The following FHIT variants were observed in gnomAD, a reference collection of about 807,000 sequenced individuals.
FHIT encodes bis(5'-adenosyl)-triphosphatase.
A neutral mutation model predicts 17.9 loss-of-function variants in FHIT; 19 were observed. That is an observed-to-expected ratio of 1.06 (90% CI 0.74 to 1.56). The LOEUF (loss-of-function observed/expected upper bound fraction) is 1.56, where lower values mean the gene tolerates loss of function less well. Ranked by LOEUF, FHIT falls within the 40% of genes most tolerant of loss-of-function variation. The pLI, the probability that FHIT is intolerant of heterozygous loss-of-function variation, is 0.00. For synonymous variants in FHIT, 81 were observed against 69.7 expected (o/e 1.16, Z -0.81); for missense variants, 248 against 189.2 (o/e 1.31, Z -1.82).
chr3:60,622,498 A>G (rs1309400278), intron 4 of FHIT, among the ~76,000 whole-genome samples: 6 of 152,194 alleles, frequency 3.9e-5, no homozygotes, highest in African/African-American at 1.4e-4. Flanking sequence ...TGCTGATGTG[A>G]ATTGTATCCA....
At chr3:60,637,493 C>T (rs558870603) in intron 4 of FHIT, among the ~76,000 whole-genome samples, 101 of 152,206 alleles carry the variant, frequency 6.6e-4, no homozygotes, top group African/African-American at 2.2e-3. Context: ...CCAGTGCTTA[C>T]ATTAGATACA....
At chr3:60,537,073 C>T (rs1159074668) in intron 4 of FHIT, 94 bp from the exon 5 acceptor site, 1 of 998,340 alleles carries the variant, frequency 1.0e-6, no homozygotes, top group East Asian at 2.8e-5. Flanking sequence ...ACTACAGATT[C>T]TTAGTTGCAG....
chr3:59,844,672 G>C (rs745658905), intron 8 of FHIT, among the ~76,000 whole-genome samples: 1 of 152,060 alleles, frequency 6.6e-6, no homozygotes, highest in Non-Finnish European at 1.5e-5. Context: ...AATAAATCTC[G>C]CTTGGTCATG....
chr3:60,167,401 T>C (rs1164143981), intron 5 of FHIT, among the ~76,000 whole-genome samples: 1 of 152,232 alleles, frequency 6.6e-6, no homozygotes, highest in East Asian at 1.9e-4. Context: ...TATCCATATA[T>C]ACACATGCAT....
intron 7 of FHIT, among the ~76,000 whole-genome samples, chr3:59,965,395 C>T (rs1278175325): frequency 6.6e-6 from 1 of 152,080 alleles, no homozygotes; most frequent in Non-Finnish European, 1.5e-5. Flanking sequence ...TATCTTCTTG[C>T]TTGCTTTCTA....
chr3:60,414,911 T>C (rs951639751), intron 5 of FHIT, among the ~76,000 whole-genome samples: 3 of 152,220 alleles, frequency 2.0e-5, no homozygotes, highest in Non-Finnish European at 2.9e-5. Flanking sequence ...AAAAGTTAGA[T>C]AGAAAGCTAC....
rs114399550 is a variant in FHIT, at chr3:61,198,957, G to C, written c.-164+1660C>G. On this transcript the variant is annotated intron_variant, in intron 2 of 9. Coordinates refer to ENST00000492590, the MANE Select transcript of FHIT (RefSeq NM_002012.4). The stretch of plus-strand genomic sequence containing the variant: ...GATGATATTAATAAGAGCAGTGGCA[G>C]CTCACATCTACTGAGCACTTATCAT... Among the ~76,000 whole-genome samples the C allele has an allele frequency of 4.6e-3, 705 of 152,158 alleles. 7 individuals carry two copies. Among genetic ancestry groups the C allele is most frequent in the African/African-American group, 0.016 (678 of 41,518 alleles).
At chr3:61,026,066 T>C (rs989931256) in intron 3 of FHIT, among the ~76,000 whole-genome samples, 1 of 152,204 alleles carries the variant, frequency 6.6e-6, no homozygotes, top group African/African-American at 2.4e-5. Context: ...ATCATTTTTA[T>C]CTTTACATCT....
At chr3:61,225,179 A>G (rs2039938603) in intron 1 of FHIT, among the ~76,000 whole-genome samples, 1 of 152,250 alleles carries the variant, frequency 6.6e-6, no homozygotes, top group Admixed American at 6.5e-5. Flanking sequence ...AACAGTCAAA[A>G]TATCTTTTAA....
chr3:60,643,754 TTAAG>T (rs1230647894), intron 4 of FHIT, among the ~76,000 whole-genome samples: 1 of 152,208 alleles, frequency 6.6e-6, no homozygotes, highest in Non-Finnish European at 1.5e-5. Context: ...AGTATCTGCA[TTAAG>T]TAGTTTCCTC....
intron 3 of FHIT, among the ~76,000 whole-genome samples, chr3:61,023,378 T>C (rs1448944430): frequency 6.6e-6 from 1 of 152,182 alleles, no homozygotes; most frequent in Non-Finnish European, 1.5e-5. Context: ...TCCATGCTCA[T>C]GGATAGGAAA....
intron 4 of FHIT, among the ~76,000 whole-genome samples, chr3:60,678,358 G>A (rs1252050444): frequency 6.6e-6 from 1 of 152,022 alleles, no homozygotes; most frequent in Non-Finnish European, 1.5e-5. Flanking sequence ...ACTTTTTTCT[G>A]CTTAAATACA....
intron 3 of FHIT, among the ~76,000 whole-genome samples, chr3:60,839,683 AT>A (rs1358339522): frequency 6.6e-6 from 1 of 152,028 alleles, no homozygotes; most frequent in African/African-American, 2.4e-5. Flanking sequence ...ACTGCAGCTC[AT>A]TTGTTGTCCC....
intron 4 of FHIT, among the ~76,000 whole-genome samples, chr3:60,785,849 A>C (rs959634676): frequency 1.3e-5 from 2 of 151,790 alleles, no homozygotes; most frequent in Admixed American, 6.6e-5. Context: ...CCAGGAGCAA[A>C]CAGCTTCATG....
intron 5 of FHIT, among the ~76,000 whole-genome samples, chr3:60,228,961 T>C (rs1232896049): frequency 6.6e-6 from 1 of 152,190 alleles, no homozygotes; most frequent in East Asian, 1.9e-4. Flanking sequence ...GCTGAGCCAC[T>C]AAGTGGCAGA....
At chr3:60,681,505 T>A (rs936407840) in intron 4 of FHIT, among the ~76,000 whole-genome samples, 3 of 152,122 alleles carry the variant, frequency 2.0e-5, no homozygotes, top group Non-Finnish European at 2.9e-5. Flanking sequence ...AAATTAGAAA[T>A]GATTAAGCTT....
intron 2 of FHIT, among the ~76,000 whole-genome samples, chr3:61,137,671 C>T (rs958974730): frequency 1.3e-5 from 2 of 152,178 alleles, no homozygotes; most frequent in African/African-American, 4.8e-5. Context: ...AAGTAACAGA[C>T]ATCCATTGAA....
intron 3 of FHIT, among the ~76,000 whole-genome samples, chr3:61,013,404 C>T (rs577791986): frequency 3.9e-5 from 6 of 152,278 alleles, no homozygotes; most frequent in East Asian, 1.9e-4. Flanking sequence ...CTCATTACAG[C>T]GTTCTTTCAA....
At chr3:60,589,255 G>A (rs782549357) in intron 4 of FHIT, among the ~76,000 whole-genome samples, 9 of 152,042 alleles carry the variant, frequency 5.9e-5, no homozygotes, top group Non-Finnish European at 7.4e-5. Context: ...TGCAAAGCAC[G>A]TGGAGTGAAA....
Sources: allele counts gnomAD v4.1 joint callset (sites outside exome capture counted in the v4.1 genomes callset), GRCh38; gene constraint gnomAD v4.1.1; transcripts MANE v1.5; gene names NCBI Gene and HGNC (gene_info 2026-07-23, HGNC 2026-07-21).